ADAMTSL3: variants seen among roughly 807,000 people sequenced by gnomAD.
ADAMTSL3 encodes the protein ADAMTS-like protein 3.
In ADAMTSL3, 128 loss-of-function variants were observed where a neutral mutation model predicts 201.7. The ratio of observed to expected loss-of-function variants is 0.63; its 90% CI spans 0.55 to 0.73. ADAMTSL3 has a LOEUF of 0.73. Among genes scored for constraint, ADAMTSL3 ranks in the 30% least tolerant of loss-of-function variants. The pLI is 0.00. For synonymous variants in ADAMTSL3, 738 were observed against 748.4 expected (o/e 0.99, Z 0.23); for missense variants, 1,990 against 2,119.6 (o/e 0.94, Z 1.20).
chr15:83,825,758 G>T (rs1282727563), intron 6 of ADAMTSL3, among the ~76,000 whole-genome samples: 1 of 152,074 alleles, frequency 6.6e-6, no homozygotes, highest in African/African-American at 2.4e-5. Flanking sequence ...AGAATGACAA[G>T]CAGAAGGGAC....
chr15:83,911,294 A>T (rs955253641), intron 15 of ADAMTSL3, among the ~76,000 whole-genome samples: 2 of 152,224 alleles, frequency 1.3e-5, no homozygotes, highest in African/African-American at 4.8e-5. Flanking sequence ...AAAATCAAAA[A>T]ATAGTATATA....
chr15:83,939,832 G>A (rs1224783990), intron 17 of ADAMTSL3, among the ~76,000 whole-genome samples: 1 of 152,058 alleles, frequency 6.6e-6, no homozygotes, highest in Non-Finnish European at 1.5e-5. Flanking sequence ...ATGTTGGCCA[G>A]GCTGGTCTTG....
chr15:84,021,723 T>A (rs1329407395), intron 26 of ADAMTSL3, 130 bp downstream of exon 26: 4 of 965,126 alleles, frequency 4.1e-6, no homozygotes, highest in Admixed American at 5.7e-5. Flanking sequence ...GGCATCCTGC[T>A]AAGTGCTTTA....
chr15:83,826,702 T>A, intron 6 of ADAMTSL3, among the ~76,000 whole-genome samples: 1 of 135,632 alleles, frequency 7.4e-6, no homozygotes, highest in African/African-American at 2.7e-5. Flanking sequence ...GATGTTCCCC[T>A]TCCTGTGTCC....
chr15:83,884,541 C>T (rs768501628), intron 9 of ADAMTSL3, among the ~76,000 whole-genome samples: 2 of 151,790 alleles, frequency 1.3e-5, no homozygotes, highest in Non-Finnish European at 2.9e-5. Context: ...TCCCAAAGTG[C>T]CGAGATTACA....
intron 3 of ADAMTSL3, among the ~76,000 whole-genome samples, chr15:83,737,866 A>G (rs1402801375): frequency 6.6e-6 from 1 of 152,236 alleles, no homozygotes; most frequent in African/African-American, 2.4e-5. Flanking sequence ...TCTTTTGTTT[A>G]TGACAATAGA....
intron 3 of ADAMTSL3, among the ~76,000 whole-genome samples, chr15:83,746,959 A>G (rs1461252439): frequency 2.0e-5 from 3 of 152,228 alleles, no homozygotes; most frequent in Non-Finnish European, 2.9e-5. Context: ...TATGGCAATA[A>G]TATAAGGCAA....
At chr15:83,673,136 C>T (rs941042531) in intron 2 of ADAMTSL3, among the ~76,000 whole-genome samples, 1 of 152,208 alleles carries the variant, frequency 6.6e-6, no homozygotes, top group South Asian at 2.1e-4. Flanking sequence ...TGTTCAGGCC[C>T]TGTTTGTGAG....
intron 2 of ADAMTSL3, among the ~76,000 whole-genome samples, chr15:83,694,043 A>T (rs2061647585): frequency 6.6e-6 from 1 of 152,242 alleles, no homozygotes. Flanking sequence ...GCTGTGGGAA[A>T]ATACATGCTT....
At chr15:83,735,513 A>G (rs908904792) in intron 3 of ADAMTSL3, among the ~76,000 whole-genome samples, 1 of 152,174 alleles carries the variant, frequency 6.6e-6, no homozygotes, top group African/African-American at 2.4e-5. Context: ...TTCCAGATTC[A>G]TAGCCTGAAT....
intron 5 of ADAMTSL3, among the ~76,000 whole-genome samples, chr15:83,808,347 T>C (rs956706266): frequency 3.3e-5 from 5 of 152,124 alleles, no homozygotes; most frequent in Admixed American, 3.3e-4. Context: ...CATTTCTCAA[T>C]AGAAAACATA....
rs916653681 is a variant in ADAMTSL3, at chr15:83,982,895, T to G, written c.3267T>G (p.Tyr1089Ter). 1.9e-6 allele frequency: 3 copies of G among 1,614,008 alleles called. No individual in the cohort carries two copies. Among genetic ancestry groups the G allele is most frequent in the Admixed American group, 1.7e-5 (1 of 60,018 alleles). ...AAGCAGCAGTTAAACAAGGAGCATA[T>G]AGCATGGATACAGCCCAGTTTGATG... ...QFEAAVKQGA[Y>*]SMDTAQFDEL... Residue 1089 changes from tyrosine (Y) to a stop codon, truncating the protein, a stop_gained, in exon 21 of 30, where the codon TAT (tyrosine) becomes TAG (stop). Coordinates refer to ENST00000286744, the MANE Select transcript of ADAMTSL3 (RefSeq NM_207517.3). LOFTEE classifies it high-confidence loss of function.
chr15:83,854,623 T>C (rs2064693093), intron 7 of ADAMTSL3, among the ~76,000 whole-genome samples: 1 of 152,208 alleles, frequency 6.6e-6, no homozygotes, highest in Non-Finnish European at 1.5e-5. Flanking sequence ...GCAACAGTCT[T>C]TCACACAATG....
intron 4 of ADAMTSL3, among the ~76,000 whole-genome samples, chr15:83,776,659 G>C (rs2063079036): frequency 6.6e-6 from 1 of 152,170 alleles, no homozygotes; most frequent in Non-Finnish European, 1.5e-5. Flanking sequence ...GGAGGTTTCA[G>C]TGAGCTGAGA....
chr15:83,933,180 G>GA (rs1480602202), intron 17 of ADAMTSL3, among the ~76,000 whole-genome samples: 1 of 152,030 alleles, frequency 6.6e-6, no homozygotes, highest in Non-Finnish European at 1.5e-5. Context: ...AGAGAGAGCT[G>GA]AAAAAATTAC....
chr15:83,854,593 A>G (rs1231897199), intron 7 of ADAMTSL3, among the ~76,000 whole-genome samples: 1 of 152,216 alleles, frequency 6.6e-6, no homozygotes, highest in African/African-American at 2.4e-5. Flanking sequence ...TGCCTTGACA[A>G]CGTGTAAATA....
intron 23 of ADAMTSL3, among the ~76,000 whole-genome samples, chr15:83,994,147 A>G (rs2067633740): frequency 6.6e-6 from 1 of 152,274 alleles, no homozygotes; most frequent in Non-Finnish European, 1.5e-5. Flanking sequence ...CCCTAAGCTT[A>G]GAAAATTTCT....
chr15:83,713,353 G>A (rs1279723217), intron 3 of ADAMTSL3, among the ~76,000 whole-genome samples: 1 of 152,130 alleles, frequency 6.6e-6, no homozygotes, highest in Admixed American at 6.5e-5. Flanking sequence ...TTTCTTAAAC[G>A]AGTGCCAGAT....
chr15:83,838,245 A>G (rs2064314027), intron 7 of ADAMTSL3, 30 bp downstream of exon 7: 1 of 1,604,906 alleles, frequency 6.2e-7, no homozygotes, highest in South Asian at 1.1e-5. Context: ...CGTTATTACC[A>G]TCATACAAGA....
Sources: allele counts gnomAD v4.1 joint callset (sites outside exome capture counted in the v4.1 genomes callset), GRCh38; gene constraint gnomAD v4.1.1; transcripts MANE v1.5; gene names NCBI Gene and HGNC (gene_info 2026-07-23, HGNC 2026-07-21).